Variants in IPCEF1 observed in about 807,000 individuals in gnomAD.
IPCEF1 encodes interactor protein for cytohesin exchange factors 1.
IPCEF1 carries 31 observed loss-of-function variants against 50.9 expected under a neutral mutation model. That is an observed-to-expected ratio of 0.61 (90% CI 0.46 to 0.82). The LOEUF is 0.82. Among genes scored for constraint, IPCEF1 ranks in the 40% least tolerant of loss-of-function variants. The pLI, the probability that IPCEF1 is intolerant of heterozygous loss-of-function variation, is 0.00. For synonymous variants in IPCEF1, 181 were observed against 192.0 expected (o/e 0.94, Z 0.47); for missense variants, 458 against 514.0 (o/e 0.89, Z 1.05).
intron 10 of IPCEF1, among the ~76,000 whole-genome samples, chr6:154,171,329 C>A (rs969100563): frequency 6.6e-6 from 1 of 151,880 alleles, no homozygotes; most frequent in African/African-American, 2.4e-5. Context: ...CATGGGTGAA[C>A]CTTGAAAACA....
At chr6:154,220,585 T>C (rs185585891) in intron 7 of IPCEF1, among the ~76,000 whole-genome samples, 8 of 152,158 alleles carry the variant, frequency 5.3e-5, no homozygotes, top group African/African-American at 4.8e-5. Flanking sequence ...GAGGTTGCAG[T>C]GAGCCGAGAT....
At chr6:154,238,187 T>C (rs1240616414) in intron 5 of IPCEF1, among the ~76,000 whole-genome samples, 4 of 152,186 alleles carry the variant, frequency 2.6e-5, no homozygotes, top group Non-Finnish European at 5.9e-5. Flanking sequence ...TTGTAAAACA[T>C]AGAAACAAAT....
chr6:154,238,913 T>C (rs935836796), intron 5 of IPCEF1, among the ~76,000 whole-genome samples: 5 of 151,722 alleles, frequency 3.3e-5, no homozygotes, highest in Non-Finnish European at 7.4e-5. Context: ...AGTTGGATTC[T>C]ATATTGTTGT....
At chr6:154,331,382 A>AGAAG (rs1783659629) in intron 1 of IPCEF1, among the ~76,000 whole-genome samples, 1 of 133,750 alleles carries the variant, frequency 7.5e-6, no homozygotes, top group Admixed American at 7.8e-5. Context: ...AAAGAAAGAA[A>AGAAG]GAAAGAAAGA....
chr6:154,343,127 GAT>G, intron 1 of IPCEF1, among the ~76,000 whole-genome samples: 2 of 152,252 alleles, frequency 1.3e-5, no homozygotes, highest in Admixed American at 1.3e-4. Flanking sequence ...GAGAGAGAGA[GAT>G]AGAGAAAACA....
intron 1 of IPCEF1, among the ~76,000 whole-genome samples, chr6:154,334,088 G>A (rs989079927): frequency 4.6e-5 from 7 of 152,172 alleles, no homozygotes; most frequent in East Asian, 1.9e-4. Context: ...TCTAGATCAG[G>A]CATTTATCAG....
intron 10 of IPCEF1, among the ~76,000 whole-genome samples, chr6:154,176,254 A>C (rs1005896170): frequency 6.6e-6 from 1 of 152,214 alleles, no homozygotes. Context: ...TCCCTTTGAA[A>C]ACTGGCATAA....
intron 3 of IPCEF1, among the ~76,000 whole-genome samples, chr6:154,248,804 G>A (rs542573312): frequency 3.9e-5 from 6 of 152,116 alleles, no homozygotes; most frequent in African/African-American, 1.4e-4. Context: ...GATTTTACAA[G>A]ATTTATTTGT....
intron 7 of IPCEF1, among the ~76,000 whole-genome samples, chr6:154,218,878 T>G (rs1191996148): frequency 6.6e-6 from 1 of 152,210 alleles, no homozygotes; most frequent in African/African-American, 2.4e-5. Context: ...TTGCATCTTC[T>G]TTGTAAGCTG....
intron 1 of IPCEF1, among the ~76,000 whole-genome samples, chr6:154,307,795 A>C (rs1044637343): frequency 1.3e-5 from 2 of 152,170 alleles, no homozygotes; most frequent in Non-Finnish European, 2.9e-5. Flanking sequence ...CTTTGCTTCA[A>C]ACACTCATCA....
intron 1 of IPCEF1, among the ~76,000 whole-genome samples, chr6:154,302,407 G>A (rs1410609946): frequency 4.6e-5 from 7 of 152,254 alleles, no homozygotes; most frequent in African/African-American, 1.7e-4. Context: ...TGGAAATCCT[G>A]CTTCTGCCTC....
intron 5 of IPCEF1, among the ~76,000 whole-genome samples, chr6:154,243,327 G>A (rs1424201851): frequency 1.3e-5 from 2 of 152,166 alleles, no homozygotes; most frequent in Non-Finnish European, 2.9e-5. Flanking sequence ...CTTGCATATG[G>A]TTTTGTAGGA....
At chr6:154,264,368 T>C (rs1390619210) in intron 3 of IPCEF1, among the ~76,000 whole-genome samples, 1 of 151,972 alleles carries the variant, frequency 6.6e-6, no homozygotes, top group East Asian at 1.9e-4. Flanking sequence ...TCCAGCATCA[T>C]TATTTTATTT....
chr6:154,165,514 G>T (rs1366041141), intron 11 of IPCEF1, among the ~76,000 whole-genome samples: 1 of 152,086 alleles, frequency 6.6e-6, no homozygotes, highest in Non-Finnish European at 1.5e-5. Context: ...AGATTAATAG[G>T]ACTGCATGAC....
At chr6:154,317,225 C>A (rs769159344) in intron 1 of IPCEF1, among the ~76,000 whole-genome samples, 2 of 151,710 alleles carry the variant, frequency 1.3e-5, no homozygotes, top group Non-Finnish European at 2.9e-5. Context: ...TCCTCCAACT[C>A]GATAATAAAA....
chr6:154,321,393 A>C (rs1038756695), intron 1 of IPCEF1, among the ~76,000 whole-genome samples: 1 of 152,172 alleles, frequency 6.6e-6, no homozygotes, highest in African/African-American at 2.4e-5. Flanking sequence ...TCATGAACTT[A>C]TATACTAGAT....
intron 7 of IPCEF1, chr6:154,217,614 C>T (rs545735064): frequency 6.6e-6 from 1 of 152,258 alleles, no homozygotes; most frequent in Admixed American, 6.5e-5. Context: ...TTTGCTTTGT[C>T]TGACACGAAT....
At chr6:154,279,127 T>TA (rs5881071) in intron 2 of IPCEF1, among the ~76,000 whole-genome samples, 2,311 of 105,432 alleles carry the variant, frequency 0.022, 39 homozygotes, top group African/African-American at 0.059. Context: ...TGTCTCAAAA[T>TA]AAAAAAAAAA....
chr6:154,232,775 C>G (rs1306273576), intron 5 of IPCEF1, among the ~76,000 whole-genome samples: 1 of 152,028 alleles, frequency 6.6e-6, no homozygotes, highest in Admixed American at 6.5e-5. Context: ...AGTGAATAAG[C>G]AGCTATAACC....
Sources: gnomAD v4.1 joint callset for allele counts (sites outside exome capture counted in the v4.1 genomes callset) on GRCh38, gnomAD v4.1.1 for gene constraint, MANE v1.5 for transcripts, NCBI Gene and HGNC (gene_info 2026-07-23, HGNC 2026-07-21) for gene names.